The following RGS7 variants were observed in gnomAD, a reference collection of about 807,000 sequenced individuals.
RGS7 encodes the protein regulator of G protein signaling 7, also known as regulator of G-protein signaling 7.
In RGS7, 27 loss-of-function variants were observed where a neutral mutation model predicts 81.1. That is an observed-to-expected ratio of 0.33 (90% CI 0.25 to 0.46). RGS7 has a LOEUF of 0.46. Ranked by LOEUF, RGS7 falls within the 20% of genes least tolerant of loss-of-function variation. The probability of loss-of-function intolerance (pLI) is 1.00; values close to 1 mark genes in which losing one functional copy is unlikely to be tolerated. For missense variants in RGS7, 396 were observed against 607.4 expected (o/e 0.65, Z 3.66); for synonymous variants, 208 against 207.7 (o/e 1.00, Z -0.01).
At chr1:241,149,286 T>C (rs1383893151) in intron 2 of RGS7, among the ~76,000 whole-genome samples, 4 of 152,048 alleles carry the variant, frequency 2.6e-5, no homozygotes, top group African/African-American at 4.8e-5. Flanking sequence ...CCTGCCCCAG[T>C]ATCCCGAATA....
intron 4 of RGS7, among the ~76,000 whole-genome samples, chr1:240,955,046 G>T (rs990968940): frequency 6.6e-6 from 1 of 152,078 alleles, no homozygotes; most frequent in South Asian, 2.1e-4. Context: ...TACAAAATCT[G>T]TGAGAAAAAC....
chr1:241,195,447 G>A (rs1573075043), intron 2 of RGS7, among the ~76,000 whole-genome samples: 1 of 152,080 alleles, frequency 6.6e-6, no homozygotes, highest in Non-Finnish European at 1.5e-5. Flanking sequence ...TTGCACTCCA[G>A]CCTGGGTGAA....
At chr1:240,932,506 GGT>G (rs1295425520) in intron 5 of RGS7, among the ~76,000 whole-genome samples, 1 of 48,604 alleles carries the variant, frequency 2.1e-5, no homozygotes, top group Non-Finnish European at 3.8e-5. Context: ...TTTCATGTAG[GGT>G]GTCACTTTTT....
chr1:240,780,769 C>T (rs943158514), intron 18 of RGS7, among the ~76,000 whole-genome samples: 6 of 151,746 alleles, frequency 4.0e-5, no homozygotes, highest in Non-Finnish European at 8.8e-5. Flanking sequence ...CAAAAATTAG[C>T]TGGGCGTGGT....
At chr1:241,043,436 T>C (rs1013970254) in intron 3 of RGS7, among the ~76,000 whole-genome samples, 1 of 150,856 alleles carries the variant, frequency 6.6e-6, no homozygotes, top group Non-Finnish European at 1.5e-5. Context: ...CATTTTTCGT[T>C]GTTGTGTTCT....
intron 18 of RGS7, among the ~76,000 whole-genome samples, chr1:240,789,415 T>C (rs1238352114): frequency 6.6e-6 from 1 of 152,182 alleles, no homozygotes; most frequent in African/African-American, 2.4e-5. Flanking sequence ...ACAAGAGAGA[T>C]CACCTTAAAC....
chr1:241,343,055 G>A (rs1386241530), intron 2 of RGS7, among the ~76,000 whole-genome samples: 2 of 152,090 alleles, frequency 1.3e-5, no homozygotes, highest in Non-Finnish European at 2.9e-5. Context: ...GAGGTCAGGA[G>A]ATCGAGACCA....
intron 4 of RGS7, among the ~76,000 whole-genome samples, chr1:240,967,205 G>A (rs984402788): frequency 1.3e-5 from 2 of 152,144 alleles, no homozygotes; most frequent in East Asian, 1.9e-4. Context: ...TTTAGAAAGC[G>A]TGGCTAAGAG....
chr1:241,184,313 A>G lies in RGS7; in HGVS notation c.79-85551T>C, dbSNP rs559725467. On this transcript the variant is annotated intron_variant, in intron 2 of 18. Transcript: ENST00000440928. ...CCACTCTGTTGACGACAGCAGAAAA[A>G]TTATATTCATGTATTCATCTATTCA... Among the ~76,000 whole-genome samples, 32 of 152,310 alleles carry G rather than the reference A, an allele frequency of 2.1e-4. No individual in the cohort carries two copies. The South Asian group carries it at 6.4e-3, about 31-fold the overall frequency.
intron 9 of RGS7, among the ~76,000 whole-genome samples, chr1:240,830,074 G>A (rs1030108733): frequency 6.6e-6 from 1 of 152,178 alleles, no homozygotes; most frequent in Admixed American, 6.5e-5. Flanking sequence ...CTGTGAAGTA[G>A]TCAGTCCCAT....
In RGS7 at chr1:240,945,459, C is replaced by T. The variant is rs1324726582; in HGVS notation, c.227-8753G>A. Among the ~76,000 whole-genome samples the T allele has an allele frequency of 2.6e-5, 4 of 152,204 alleles. No individual in the cohort carries two copies. The South Asian group carries it at 6.2e-4, about 24-fold the overall frequency. On this transcript the variant is annotated intron_variant, in intron 4 of 18. Transcript: ENST00000440928. ...CATGTCTTGGGATTAGCCAATAACA[C>T]ATCCCATGTGCCAAAATATCCTGAA...
At chr1:241,127,599 G>C (rs1242405041) in intron 2 of RGS7, among the ~76,000 whole-genome samples, 2 of 152,202 alleles carry the variant, frequency 1.3e-5, no homozygotes, top group African/African-American at 2.4e-5. Context: ...GCTAAATGAC[G>C]AGTTAATGGG....
At chr1:241,265,786 CTTTTTTTTT>C in intron 2 of RGS7, among the ~76,000 whole-genome samples, 1 of 90,264 alleles carries the variant, frequency 1.1e-5, no homozygotes, top group East Asian at 3.2e-4. Context: ...TTTCCTCGTC[CTTTTTTTTT>C]TTTTTTTTTT....
intron 3 of RGS7, among the ~76,000 whole-genome samples, chr1:241,017,342 G>A (rs575329952): frequency 6.6e-6 from 1 of 151,404 alleles, no homozygotes; most frequent in Admixed American, 6.6e-5. Context: ...CAGGGAGGCT[G>A]AGGCAGGAGA....
At chr1:240,857,387 A>AAT (rs1661335931) in intron 9 of RGS7, among the ~76,000 whole-genome samples, 1 of 152,186 alleles carries the variant, frequency 6.6e-6, no homozygotes, top group African/African-American at 2.4e-5. Context: ...TTGATACATT[A>AAT]ATAGTAATTA....
intron 6 of RGS7, among the ~76,000 whole-genome samples, chr1:240,897,106 C>T (rs1669219845): frequency 6.6e-6 from 1 of 152,100 alleles, no homozygotes. Flanking sequence ...TACAGGAATG[C>T]TTGTGATTTT....
intron 3 of RGS7, among the ~76,000 whole-genome samples, chr1:241,042,777 T>C (rs1410219329): frequency 6.6e-6 from 1 of 151,904 alleles, no homozygotes; most frequent in Non-Finnish European, 1.5e-5. Context: ...GTGTCTCTAC[T>C]AAAAATACAA....
At chr1:241,218,168 G>C (rs991121984) in intron 2 of RGS7, among the ~76,000 whole-genome samples, 1 of 152,142 alleles carries the variant, frequency 6.6e-6, no homozygotes, top group Non-Finnish European at 1.5e-5. Flanking sequence ...AAAGAGCCCC[G>C]AGTATCTTTT....
At chr1:240,837,067 A>T (rs1461958262) in intron 9 of RGS7, among the ~76,000 whole-genome samples, 1 of 152,222 alleles carries the variant, frequency 6.6e-6, no homozygotes, top group Non-Finnish European at 1.5e-5. Flanking sequence ...CATTTGCTAT[A>T]GCTTCTTTGT....
Sources: gnomAD v4.1 joint callset for allele counts (sites outside exome capture counted in the v4.1 genomes callset) on GRCh38, gnomAD v4.1.1 for gene constraint, MANE v1.5 for transcripts, NCBI Gene and HGNC (gene_info 2026-07-23, HGNC 2026-07-21) for gene names.